CDK8: variants seen among roughly 807,000 people sequenced by gnomAD.
CDK8 encodes cyclin-dependent kinase 8.
CDK8 carries 29 observed loss-of-function variants against 71.5 expected under a neutral mutation model. The ratio of observed to expected loss-of-function variants is 0.41; its 90% CI spans 0.30 to 0.55. The LOEUF (loss-of-function observed/expected upper bound fraction) is 0.55. Ranked by LOEUF, CDK8 falls within the 20% of genes least tolerant of loss-of-function variation. The pLI is 0.37. For synonymous variants in CDK8, 161 were observed against 192.1 expected (o/e 0.84, Z 1.34); for missense variants, 288 against 572.6 (o/e 0.50, Z 5.07).
intron 1 of CDK8, among the ~76,000 whole-genome samples, chr13:26,263,806 G>T (rs1317879113): frequency 6.7e-6 from 1 of 149,548 alleles, no homozygotes; most frequent in Non-Finnish European, 1.5e-5. Flanking sequence ...GAGTGCAGTG[G>T]CACGATCTCG....
intron 4 of CDK8, among the ~76,000 whole-genome samples, chr13:26,361,784 C>CTTTTTTTTTTTTTTTTTT (rs553508554): frequency 6.3e-5 from 4 of 63,346 alleles, no homozygotes; most frequent in African/African-American, 2.1e-4. Flanking sequence ...TTTCTTTTCC[C>CTTTTTTTTTTTTTTTTTT]TTTTTTTTTT....
intron 1 of CDK8, among the ~76,000 whole-genome samples, chr13:26,259,343 AT>A (rs1019418355): frequency 1.3e-5 from 2 of 151,946 alleles, no homozygotes; most frequent in African/African-American, 2.4e-5. Context: ...GCATGTACAG[AT>A]TTTTTTTCTT....
intron 4 of CDK8, among the ~76,000 whole-genome samples, chr13:26,369,406 A>G (rs1874544677): frequency 7.9e-6 from 1 of 126,606 alleles, no homozygotes; most frequent in Admixed American, 9.3e-5. Flanking sequence ...CCAAGATCGC[A>G]CCACTGCACT....
At chr13:26,303,690 G>T (rs1162610032) in intron 1 of CDK8, among the ~76,000 whole-genome samples, 1 of 152,114 alleles carries the variant, frequency 6.6e-6, no homozygotes, top group Non-Finnish European at 1.5e-5. Flanking sequence ...TCAGTTCCAT[G>T]AAATTTGTTA....
At chr13:26,257,903 T>C (rs1293774718) in intron 1 of CDK8, among the ~76,000 whole-genome samples, 1 of 138,898 alleles carries the variant, frequency 7.2e-6, no homozygotes, top group Non-Finnish European at 1.5e-5. Context: ...TTTGTGTGTG[T>C]GTGTGTGTGT....
At chr13:26,275,702 G>A (rs1041684527) in intron 1 of CDK8, among the ~76,000 whole-genome samples, 7 of 152,090 alleles carry the variant, frequency 4.6e-5, no homozygotes, top group African/African-American at 1.7e-4. Flanking sequence ...AACCCACCAT[G>A]TATCTCAAAT....
chr13:26,321,767 TTATG>T (rs1874786346), intron 1 of CDK8, among the ~76,000 whole-genome samples: 1 of 152,034 alleles, frequency 6.6e-6, no homozygotes, highest in Non-Finnish European at 1.5e-5. Context: ...ATGTATATCT[TTATG>T]TAGCTTTATG....
intron 4 of CDK8, among the ~76,000 whole-genome samples, chr13:26,362,794 A>G (rs958384743): frequency 5.9e-5 from 9 of 152,156 alleles, no homozygotes; most frequent in African/African-American, 2.2e-4. Context: ...CACAGTCTAT[A>G]TCAAATTTTC....
intron 2 of CDK8, among the ~76,000 whole-genome samples, chr13:26,347,544 A>T (rs763079842): frequency 1.1e-4 from 16 of 152,198 alleles, no homozygotes; most frequent in Non-Finnish European, 2.1e-4. Flanking sequence ...TTGATAAGGG[A>T]TTAGTATCTA....
At chr13:26,296,856 T>C (rs559426505) in intron 1 of CDK8, among the ~76,000 whole-genome samples, 4 of 152,248 alleles carry the variant, frequency 2.6e-5, no homozygotes, top group Admixed American at 6.5e-5. Context: ...ACACCTTTTA[T>C]TAATAAAAGG....
intron 9 of CDK8, among the ~76,000 whole-genome samples, chr13:26,398,145 A>G (rs1288463714): frequency 6.6e-6 from 1 of 152,108 alleles, no homozygotes; most frequent in African/African-American, 2.4e-5. Context: ...CACATTTTAT[A>G]TCATGTATTT....
At chr13:26,310,717 C>G (rs1256429412) in intron 1 of CDK8, among the ~76,000 whole-genome samples, 1 of 152,050 alleles carries the variant, frequency 6.6e-6, no homozygotes, top group Non-Finnish European at 1.5e-5. Context: ...GCTGTGCAGC[C>G]CAGTTCCTAA....
At chr13:26,262,452 T>G (rs1002908395) in intron 1 of CDK8, among the ~76,000 whole-genome samples, 2 of 152,190 alleles carry the variant, frequency 1.3e-5, no homozygotes, top group Non-Finnish European at 2.9e-5. Context: ...TTGCTAACAT[T>G]AAAAGCTTGA....
chr13:26,265,707 G>A (rs774516297), intron 1 of CDK8, among the ~76,000 whole-genome samples: 7 of 152,156 alleles, frequency 4.6e-5, no homozygotes, highest in Non-Finnish European at 8.8e-5. Flanking sequence ...TGTACGGTGA[G>A]ACAATTGAAA....
intron 4 of CDK8, among the ~76,000 whole-genome samples, chr13:26,361,156 A>G (rs1159908559): frequency 2.0e-5 from 3 of 152,156 alleles, no homozygotes; most frequent in African/African-American, 7.2e-5. Flanking sequence ...TAGTTAATAT[A>G]CATCCCTCAC....
chr13:26,277,241 G>C (rs969892251), intron 1 of CDK8, among the ~76,000 whole-genome samples: 1 of 152,180 alleles, frequency 6.6e-6, no homozygotes, highest in Non-Finnish European at 1.5e-5. Flanking sequence ...AGCTCATGCT[G>C]TAAGAGACTT....
intron 4 of CDK8, among the ~76,000 whole-genome samples, chr13:26,379,380 A>AT (rs1875107524): frequency 6.6e-6 from 1 of 152,198 alleles, no homozygotes; most frequent in African/African-American, 2.4e-5. Context: ...CCAAACTCTA[A>AT]TACTAGGTCG....
chr13:26,296,040 A>C (rs752277183), intron 1 of CDK8, among the ~76,000 whole-genome samples: 3 of 152,292 alleles, frequency 2.0e-5, no homozygotes, highest in Middle Eastern at 3.4e-3. Flanking sequence ...AAGGATTATG[A>C]TTAGAGTCTG....
chr13:26,397,129 T>C (rs751266505), intron 8 of CDK8, 24 bp from the exon 9 acceptor site: 1 of 1,346,818 alleles, frequency 7.4e-7, no homozygotes, highest in South Asian at 1.2e-5. Context: ...CTAATATAGC[T>C]ATTTCATAGT....
Sources: allele counts gnomAD v4.1 joint callset (sites outside exome capture counted in the v4.1 genomes callset), GRCh38; gene constraint gnomAD v4.1.1; transcripts MANE v1.5; gene names NCBI Gene and HGNC (gene_info 2026-07-23, HGNC 2026-07-21).